ABCC4: variants seen among roughly 807,000 people sequenced by gnomAD.
ABCC4 encodes the protein ATP-binding cassette sub-family C member 4.
ABCC4 carries 102 observed loss-of-function variants against 168.5 expected under a neutral mutation model. That is an observed-to-expected ratio of 0.61 (90% confidence interval 0.52 to 0.71). The LOEUF (loss-of-function observed/expected upper bound fraction) is 0.71. ABCC4 is among the 30% of genes least tolerant of loss of function. ABCC4 has a pLI of 0.00. For synonymous variants in ABCC4, 617 were observed against 590.7 expected (o/e 1.04, Z -0.65); for missense variants, 1,402 against 1,605.8 (o/e 0.87, Z 2.17).
intron 11 of ABCC4, among the ~76,000 whole-genome samples, chr13:95,180,097 C>T (rs908055612): frequency 1.3e-5 from 2 of 152,122 alleles, no homozygotes; most frequent in Non-Finnish European, 2.9e-5. Context: ...GAACCCACTC[C>T]CTGGCAGCCC....
intron 1 of ABCC4, 28 bp from the exon 2 acceptor site, chr13:95,247,781 T>C (rs781464104): frequency 2.5e-6 from 4 of 1,577,586 alleles, no homozygotes; most frequent in Admixed American, 3.3e-5. Flanking sequence ...GAGACATATA[T>C]CCAGAATTAC....
At chr13:95,169,619 A>T (rs1450838049) in intron 14 of ABCC4, among the ~76,000 whole-genome samples, 1 of 152,230 alleles carries the variant, frequency 6.6e-6, no homozygotes, top group East Asian at 1.9e-4. Flanking sequence ...CTGTACCTCA[A>T]GTCCCAGCGA....
At chr13:95,297,757 G>C (rs373212015) in intron 1 of ABCC4, among the ~76,000 whole-genome samples, 8 of 152,266 alleles carry the variant, frequency 5.3e-5, no homozygotes, top group African/African-American at 1.4e-4. Flanking sequence ...GATCGCTGGA[G>C]CTCAAACTCC....
At chr13:95,168,802 C>T (rs929611179) in intron 14 of ABCC4, among the ~76,000 whole-genome samples, 1 of 152,148 alleles carries the variant, frequency 6.6e-6, no homozygotes, top group Non-Finnish European at 1.5e-5. Context: ...CCTCCATGTC[C>T]CCGGCCACGC....
At chr13:95,066,994 G>A (rs752195087) in intron 25 of ABCC4, among the ~76,000 whole-genome samples, 4 of 152,242 alleles carry the variant, frequency 2.6e-5, no homozygotes, top group Admixed American at 6.5e-5. Flanking sequence ...GATTACAGCT[G>A]TTGACAGGAA....
At chr13:95,204,479 A>G (rs1377213444) in intron 8 of ABCC4, among the ~76,000 whole-genome samples, 1 of 152,084 alleles carries the variant, frequency 6.6e-6, no homozygotes, top group African/African-American at 2.4e-5. Flanking sequence ...GTGAGTTCTC[A>G]TGAGATCTGA....
chr13:95,190,801 G>A (rs911940113), intron 9 of ABCC4, among the ~76,000 whole-genome samples: 20 of 152,224 alleles, frequency 1.3e-4, no homozygotes, highest in African/African-American at 4.1e-4. Context: ...CTCGTGGATA[G>A]ATTGGAGAGA....
At chr13:95,256,491 C>A (rs1331762501) in intron 1 of ABCC4, among the ~76,000 whole-genome samples, 2 of 152,230 alleles carry the variant, frequency 1.3e-5, no homozygotes, top group Non-Finnish European at 2.9e-5. Context: ...GACTGTGGCT[C>A]ACGCCTGTAA....
chr13:95,283,898 C>CAA lies in ABCC4; in HGVS notation c.74+17341_74+17342dup, dbSNP rs148305156. ...GGGCAACAAGAGCGAAACTCCGTCTCAAAAAAAAAAAAAGAGTGGCGCCAG... is the reference window on the plus strand; with the variant it reads ...GGGCAACAAGAGCGAAACTCCGTCTCAAAAAAAAAAAAAAAGAGTGGCGCCAG... On this transcript the variant is annotated intron_variant, in intron 1 of 30. Coordinates refer to ENST00000645237, the MANE Select transcript of ABCC4 (RefSeq NM_005845.5). 1.0e-3 allele frequency among the ~76,000 whole-genome samples: 121 copies of CAA among 120,438 alleles called. 1 individual carries two copies. Among genetic ancestry groups the CAA allele is most frequent in the African/African-American group, 3.5e-3 (111 of 31,744 alleles). The allele number at this position is 120,438 out of a possible 152,430, so 79.0% of individuals were successfully genotyped here.
chr13:95,078,353 A>G (rs1751046), intron 21 of ABCC4, among the ~76,000 whole-genome samples: 128,448 of 152,022 alleles, frequency 0.84, 55,979 homozygotes, highest in Non-Finnish European at 0.95. Flanking sequence ...TGGAAGTTGC[A>G]GTAAGCCAAG....
intron 1 of ABCC4, among the ~76,000 whole-genome samples, chr13:95,277,998 C>T (rs2041013495): frequency 6.6e-6 from 1 of 152,172 alleles, no homozygotes; most frequent in Non-Finnish European, 1.5e-5. Flanking sequence ...AGGACAGTCA[C>T]CACCAAGGGG....
intron 1 of ABCC4, among the ~76,000 whole-genome samples, chr13:95,250,132 T>C (rs1469514707): frequency 6.6e-6 from 1 of 152,218 alleles, no homozygotes; most frequent in Non-Finnish European, 1.5e-5. Flanking sequence ...TTTGACCATC[T>C]ATGTAAGGAC....
intron 26 of ABCC4, among the ~76,000 whole-genome samples, chr13:95,061,594 TTGTG>T (rs57517042): frequency 0.025 from 3,408 of 133,866 alleles, 105 homozygotes; most frequent in African/African-American, 0.077. Context: ...GAATATGTGT[TTGTG>T]TGTGTGTGTG....
intron 8 of ABCC4, among the ~76,000 whole-genome samples, chr13:95,200,414 C>T (rs761395607): frequency 6.6e-6 from 1 of 152,126 alleles, no homozygotes; most frequent in South Asian, 2.1e-4. Context: ...TTCAGGGACA[C>T]GAGGACACTT....
chr13:95,267,878 G>C (rs928332064), intron 1 of ABCC4, among the ~76,000 whole-genome samples: 4 of 152,158 alleles, frequency 2.6e-5, no homozygotes, highest in African/African-American at 9.7e-5. Context: ...AGGGCAGGGG[G>C]TACTGGAGAC....
chr13:95,152,578 T>C lies in ABCC4; in HGVS notation c.2455+8611A>G, dbSNP rs561919781. ...ATACGTAATTACCTAAATTAGAATG[T>C]AACTATCATTTTCATAAACACTATC... On this transcript the variant is annotated intron_variant, in intron 19 of 30. Transcript: ENST00000645237. 5.3e-5 allele frequency among the ~76,000 whole-genome samples: 8 copies of C among 152,290 alleles called. No homozygotes were observed. The South Asian group carries it at 1.5e-3, about 28-fold the overall frequency.
At chr13:95,247,571 G>A in intron 2 of ABCC4, 72 bp downstream of exon 2, 7 of 1,200,092 alleles carry the variant, frequency 5.8e-6, no homozygotes, top group Non-Finnish European at 8.6e-6. Flanking sequence ...CAGGACCCAG[G>A]AAGGCAAAAC....
intron 20 of ABCC4, among the ~76,000 whole-genome samples, chr13:95,102,459 T>C (rs2034844284): frequency 6.6e-6 from 1 of 152,072 alleles, no homozygotes. Context: ...TCTTTTATTA[T>C]TTTTATAGAG....
intron 8 of ABCC4, among the ~76,000 whole-genome samples, chr13:95,206,172 T>C (rs1278778840): frequency 6.6e-6 from 1 of 152,182 alleles, no homozygotes; most frequent in Non-Finnish European, 1.5e-5. Flanking sequence ...AGAAGAATCA[T>C]ACTCAACTCA....
Sources: allele counts gnomAD v4.1 joint callset (sites outside exome capture counted in the v4.1 genomes callset), GRCh38; gene constraint gnomAD v4.1.1; transcripts MANE v1.5; gene names NCBI Gene and HGNC (gene_info 2026-07-23, HGNC 2026-07-21).